ABI3BP: variants seen among roughly 807,000 people sequenced by gnomAD.
The protein encoded by ABI3BP is ABI family member 3 binding protein, also known as target of Nesh-SH3.
In ABI3BP, 216 loss-of-function variants were observed where a neutral mutation model predicts 268.6. The ratio of observed to expected loss-of-function variants is 0.80; its 90% CI spans 0.72 to 0.90. The LOEUF (loss-of-function observed/expected upper bound fraction) is 0.90. Ranked by LOEUF, ABI3BP falls within the 40% of genes least tolerant of loss-of-function variation. The pLI, the probability that ABI3BP is intolerant of heterozygous loss-of-function variation, is 0.00. For missense variants in ABI3BP, 2,090 were observed against 2,182.4 expected, an observed-to-expected ratio of 0.96 and a Z score of 0.84; for synonymous variants, 730 against 730.0, an observed-to-expected ratio of 1.00 and a Z score of 0.00.
At chr3:100,957,516 T>C (rs2153804329) in intron 1 of ABI3BP, among the ~76,000 whole-genome samples, 1 of 152,162 alleles carries the variant, frequency 6.6e-6, no homozygotes, top group South Asian at 2.1e-4. Flanking sequence ...ATTTGGAACT[T>C]GTTGGTATTT....
chr3:100,894,960 A>AAAC (rs2046839901), intron 4 of ABI3BP, among the ~76,000 whole-genome samples: 1 of 145,488 alleles, frequency 6.9e-6, no homozygotes, highest in African/African-American at 2.5e-5. Flanking sequence ...AAAAAAAAAA[A>AAAC]AAAAAAACAG....
At chr3:100,974,103 A>G (rs558427450) in intron 1 of ABI3BP, among the ~76,000 whole-genome samples, 38 of 152,308 alleles carry the variant, frequency 2.5e-4, no homozygotes, top group African/African-American at 8.9e-4. Flanking sequence ...AAATAAAAAA[A>G]TCAACAATAT....
chr3:100,832,469 T>C lies in ABI3BP; in HGVS notation c.2315-119A>G, dbSNP rs545035905. On this transcript the variant is annotated intron_variant, in intron 30 of 67. Transcript: ENST00000471714. Reference sequence around the variant, plus strand: ...AGTTTGAGTTGACAGAACTTTGTCATTTTCGTTTGAAATTTTCTCCTTCAG... The same window carrying C: ...AGTTTGAGTTGACAGAACTTTGTCACTTTCGTTTGAAATTTTCTCCTTCAG... 1.3e-4 allele frequency: 125 copies of C among 993,554 alleles called. No homozygotes were observed. The African/African-American group carries it at 1.8e-3, about 14-fold the overall frequency. 61.5% of individuals were successfully genotyped at this position (993,554 alleles called of 1,614,324 possible). A position where few individuals can be genotyped will look rare whatever the true frequency, so the allele number is the denominator to read the frequency against.
chr3:100,757,563 G>T (rs994068578), intron 63 of ABI3BP, among the ~76,000 whole-genome samples: 1 of 152,076 alleles, frequency 6.6e-6, no homozygotes, highest in African/African-American at 2.4e-5. Context: ...AACATGTGAG[G>T]ACTCAAAAAT....
Position 100,945,836 on chromosome 3 carries a change from A to G in ABI3BP, c.80-19355T>C, listed in dbSNP as rs115915030. ...ATATTTTTAGTTTTGGGAGGTAAAT[A>G]TGTAGGTGTAAAATTGTTCAGTCAT... On this transcript the variant is annotated intron_variant, in intron 1 of 67. Coordinates refer to ENST00000471714, the MANE Select transcript of ABI3BP (RefSeq NM_001375547.2). 2.2e-3 allele frequency among the ~76,000 whole-genome samples: 336 copies of G among 152,220 alleles called. 1 individual carries two copies. Among genetic ancestry groups the G allele is most frequent in the African/African-American group, 7.8e-3 (326 of 41,536 alleles).
chr3:100,769,992 T>C (rs1011733222), intron 62 of ABI3BP, among the ~76,000 whole-genome samples: 2 of 152,214 alleles, frequency 1.3e-5, no homozygotes, highest in Non-Finnish European at 2.9e-5. Context: ...CCTGGTCCTG[T>C]GCACTGCTCC....
At chr3:100,862,572 T>C in intron 13 of ABI3BP, 187 bp from the exon 14 acceptor site, 1 of 587,610 alleles carries the variant, frequency 1.7e-6, no homozygotes. Flanking sequence ...TGATTAGTGG[T>C]CAGAGAGAGA....
At chr3:100,905,099 A>G (rs1331350526) in intron 2 of ABI3BP, among the ~76,000 whole-genome samples, 2 of 152,328 alleles carry the variant, frequency 1.3e-5, no homozygotes, top group Admixed American at 6.5e-5. Flanking sequence ...TGATGAGTTC[A>G]TGTCCTTTGT....
At chr3:100,882,866 A>C (rs900274304) in intron 6 of ABI3BP, among the ~76,000 whole-genome samples, 2 of 152,190 alleles carry the variant, frequency 1.3e-5, no homozygotes, top group Non-Finnish European at 2.9e-5. Context: ...AAGGTTAAGC[A>C]TGACAGCCAA....
chr3:100,931,582 A>G (rs1216714733), intron 1 of ABI3BP, among the ~76,000 whole-genome samples: 2 of 152,076 alleles, frequency 1.3e-5, no homozygotes, highest in Non-Finnish European at 2.9e-5. Context: ...GGGCCAAATC[A>G]AGAATACAAT....
At chr3:100,986,734 T>C (rs1032102122) in intron 1 of ABI3BP, among the ~76,000 whole-genome samples, 2 of 152,188 alleles carry the variant, frequency 1.3e-5, no homozygotes, top group African/African-American at 4.8e-5. Context: ...TCCAAAGTGC[T>C]GGGATTACAC....
At chr3:100,789,951 T>C (rs752904609) in intron 55 of ABI3BP, among the ~76,000 whole-genome samples, 4 of 151,912 alleles carry the variant, frequency 2.6e-5, no homozygotes, top group East Asian at 1.9e-4. Context: ...TAAAAAGAGA[T>C]TGAATGTTTA....
chr3:100,963,329 C>A (rs1043956741), intron 1 of ABI3BP, among the ~76,000 whole-genome samples: 15 of 152,180 alleles, frequency 9.9e-5, no homozygotes, highest in African/African-American at 3.6e-4. Context: ...GCTAGAAACC[C>A]AGGAGTCATT....
chr3:100,936,499 T>A (rs1259543810), intron 1 of ABI3BP, among the ~76,000 whole-genome samples: 1 of 152,188 alleles, frequency 6.6e-6, no homozygotes, highest in Non-Finnish European at 1.5e-5. Flanking sequence ...ATAAAATGAG[T>A]TAGGGAGAAA....
intron 45 of ABI3BP, 60 bp from the exon 46 acceptor site, chr3:100,812,583 G>C (rs531346831): frequency 6.7e-5 from 75 of 1,123,776 alleles, no homozygotes; most frequent in Admixed American, 3.1e-4. Flanking sequence ...ATTTATAAAA[G>C]TGCTTTGCAT....
chr3:100,931,702 A>G (rs1398122487), intron 1 of ABI3BP, among the ~76,000 whole-genome samples: 3 of 152,136 alleles, frequency 2.0e-5, no homozygotes, highest in African/African-American at 7.2e-5. Flanking sequence ...GAAAGAAATC[A>G]AAGATGATAC....
At chr3:100,787,372 A>G (rs1424151669) in intron 57 of ABI3BP, among the ~76,000 whole-genome samples, 2 of 152,190 alleles carry the variant, frequency 1.3e-5, no homozygotes, top group Non-Finnish European at 2.9e-5. Flanking sequence ...AAACTTAAAA[A>G]CCAACTAATT....
intron 1 of ABI3BP, among the ~76,000 whole-genome samples, chr3:100,965,703 G>A (rs2081036284): frequency 6.6e-6 from 1 of 151,830 alleles, no homozygotes; most frequent in Non-Finnish European, 1.5e-5. Context: ...AGATGTGTGT[G>A]TGTGTTAGTG....
chr3:100,828,411 C>A lies in ABI3BP; in HGVS notation c.2584G>T (p.Ala862Ser). The A allele has an allele frequency of 1.3e-6, 2 of 1,535,270 alleles. No homozygotes were observed. Among genetic ancestry groups the A allele is most frequent in the Non-Finnish European group, 1.7e-6 (2 of 1,146,370 alleles). Reference sequence around the variant, plus strand: ...GCATTACCGAATGTTGTCCCTGGAGCCTCTTTTATAGGAGAAACTGGTTCA... The same window carrying A: ...GCATTACCGAATGTTGTCCCTGGAGACTCTTTTATAGGAGAAACTGGTTCA... Reference protein sequence around the residue: ...IFEPVSPIKEAPGTTFVPVTD... With the variant: ...IFEPVSPIKESPGTTFVPVTD... The change falls in exon 34 of 68, where the codon GCT becomes TCT. Residue 862 changes from alanine (A) to serine (S), a missense_variant. Ala to Ser is a moderately conservative substitution (Grantham distance 99). Transcript: ENST00000471714.
Sources: allele counts gnomAD v4.1 joint callset (sites outside exome capture counted in the v4.1 genomes callset), GRCh38; gene constraint gnomAD v4.1.1; transcripts MANE v1.5; gene names NCBI Gene and HGNC (gene_info 2026-07-23, HGNC 2026-07-21).